The following TBC1D22A variants were observed in gnomAD, a reference collection of about 807,000 sequenced individuals.
The protein encoded by TBC1D22A is TBC1 domain family member 22A.
In TBC1D22A, 38 loss-of-function variants were observed where a neutral mutation model predicts 60.2. That is an observed-to-expected ratio of 0.63 (90% confidence interval 0.49 to 0.83). TBC1D22A has a LOEUF of 0.83. Among genes scored for constraint, TBC1D22A ranks in the 40% least tolerant of loss-of-function variants. The pLI, the probability that TBC1D22A is intolerant of heterozygous loss-of-function variation, is 0.00. For missense variants in TBC1D22A, 628 were observed against 701.0 expected (o/e 0.90, Z 1.18); for synonymous variants, 302 against 281.7 (o/e 1.07, Z -0.72).
rs749477401 is a variant in TBC1D22A, at chr22:46,847,950, TGTGTGCGC to T, written c.638-30701_638-30694del. Among the ~76,000 whole-genome samples, 980 of 107,488 alleles carry T rather than the reference TGTGTGCGC, an allele frequency of 9.1e-3. 6 individuals are homozygous for T. The highest frequency in any genetic ancestry group is 0.03 in the African/African-American group (701 of 23,102). The allele number at this position is 107,488 out of a possible 152,430, so 70.5% of individuals were successfully genotyped here. A position where few individuals can be genotyped will look rare whatever the true frequency, so the allele number is the denominator to read the frequency against. The stretch of plus-strand genomic sequence containing the variant: ...GTGTGTGTGTGTGTGTGTGTGTGTG[TGTGTGCGC>T]GCGCGCACGCGCTCTACACAGTAAA... On this transcript the variant is annotated intron_variant, in intron 4 of 12. Coordinates refer to ENST00000337137, the MANE Select transcript of TBC1D22A (RefSeq NM_014346.5).
intron 8 of TBC1D22A, among the ~76,000 whole-genome samples, chr22:46,943,020 G>T (rs1040443998): frequency 4.6e-5 from 7 of 152,160 alleles, no homozygotes; most frequent in African/African-American, 1.7e-4. Flanking sequence ...GGACCAAACG[G>T]GAAATGAGCT....
chr22:46,795,037 A>C (rs1182271353), intron 3 of TBC1D22A, among the ~76,000 whole-genome samples: 4 of 152,252 alleles, frequency 2.6e-5, no homozygotes, highest in Non-Finnish European at 5.9e-5. Context: ...AAAATGTTAC[A>C]GCTCTCATTA....
Position 47,061,932 on chromosome 22 carries a change from A to G in TBC1D22A, c.1329+24734A>G, listed in dbSNP as rs2063590608. Among the ~76,000 whole-genome samples, 3 of 152,050 alleles carry G rather than the reference A, an allele frequency of 2.0e-5. No homozygotes were observed. The South Asian group carries it at 6.3e-4, about 32-fold the overall frequency. On this transcript the variant is annotated intron_variant, in intron 11 of 12. Transcript: ENST00000337137. ...GCAAAACCCCGTTTCTACTAAAAAT[A>G]CAAACGTTAGCCAGGCGTGGTGGTG... is the stretch of plus-strand genomic sequence containing the variant.
At chr22:46,955,492 C>G (rs1245136099) in intron 8 of TBC1D22A, among the ~76,000 whole-genome samples, 1 of 152,206 alleles carries the variant, frequency 6.6e-6, no homozygotes, top group African/African-American at 2.4e-5. Context: ...ATGCTACTCA[C>G]CTTGACACGT....
chr22:46,958,857 G>C (rs1341124385), intron 8 of TBC1D22A, among the ~76,000 whole-genome samples: 2 of 152,168 alleles, frequency 1.3e-5, no homozygotes, highest in Non-Finnish European at 2.9e-5. Flanking sequence ...CTAGGCCTGC[G>C]GTTCCTGAAA....
chr22:46,805,026 C>G (rs1169242205), intron 4 of TBC1D22A, among the ~76,000 whole-genome samples: 1 of 152,160 alleles, frequency 6.6e-6, no homozygotes, highest in South Asian at 2.1e-4. Context: ...TCCCCAGGGA[C>G]TCATTGCTCC....
chr22:47,150,020 AC>A (rs1239688279), intron 12 of TBC1D22A, among the ~76,000 whole-genome samples: 1 of 152,038 alleles, frequency 6.6e-6, no homozygotes, highest in African/African-American at 2.4e-5. Context: ...GGGCCTGTGC[AC>A]CAGGAGCAGA....
intron 12 of TBC1D22A, among the ~76,000 whole-genome samples, chr22:47,167,717 G>A (rs2068262667): frequency 1.3e-5 from 2 of 152,208 alleles, no homozygotes; most frequent in African/African-American, 2.4e-5. Flanking sequence ...GAATGGGGGA[G>A]TGCATGCTGA....
intron 4 of TBC1D22A, among the ~76,000 whole-genome samples, chr22:46,829,560 C>T (rs78434565): frequency 0.013 from 2,003 of 152,338 alleles, 49 homozygotes; most frequent in African/African-American, 0.046. Context: ...GTTAATACTG[C>T]ATCTGGGAAG....
chr22:47,160,915 C>A (rs2067955161), intron 12 of TBC1D22A, among the ~76,000 whole-genome samples: 1 of 151,568 alleles, frequency 6.6e-6, no homozygotes, highest in Non-Finnish European at 1.5e-5. Flanking sequence ...AACCTCCTAG[C>A]CAGTCTTCCA....
intron 4 of TBC1D22A, among the ~76,000 whole-genome samples, chr22:46,864,808 C>A (rs1345181376): frequency 6.6e-6 from 1 of 152,142 alleles, no homozygotes; most frequent in African/African-American, 2.4e-5. Flanking sequence ...TGGATTGATT[C>A]CCACCTCTGT....
chr22:46,861,282 C>G (rs993523128), intron 4 of TBC1D22A, among the ~76,000 whole-genome samples: 10 of 152,088 alleles, frequency 6.6e-5, no homozygotes, highest in Admixed American at 2.6e-4. Context: ...AATGACTTAA[C>G]AGTTAATTGT....
chr22:46,900,541 T>A (rs761897778), intron 7 of TBC1D22A, among the ~76,000 whole-genome samples: 5 of 152,196 alleles, frequency 3.3e-5, no homozygotes, highest in Non-Finnish European at 5.9e-5. Context: ...TCCCTTTGTG[T>A]CAGTCTCCTC....
rs910260406 is a variant in TBC1D22A at position 47,097,381 on chromosome 22, C to T, written c.1330-14127C>T. 3.4e-4 allele frequency among the ~76,000 whole-genome samples: 51 copies of T among 152,196 alleles called. 1 individual carries two copies. The highest frequency in any genetic ancestry group is 3.9e-4 in the East Asian group (2 of 5,170). On this transcript the variant is annotated intron_variant, in intron 11 of 12. Transcript: ENST00000337137. ...CTGTAATCCCAGCATTTTGGGAGGC[C>T]GAGGCAGGTGGATCACGAGGTCAGG...
At position 46,797,628 on chromosome 22, in the gene TBC1D22A, C is replaced by T; in HGVS notation, c.637+8C>T. 1.3e-6 allele frequency: 2 copies of T among 1,595,692 alleles called. No individual in the cohort carries two copies. The highest frequency in any genetic ancestry group is 2.3e-5 in the East Asian group (1 of 44,116). On this transcript the variant is annotated splice_region_variant and intron_variant, in intron 4 of 12. Coordinates refer to ENST00000337137, the MANE Select transcript of TBC1D22A (RefSeq NM_014346.5). ...GCCCCAACACGGACCTTGGTAAGCA[C>T]CCTGCCCTCTGGAGGACACACACAG...
At chr22:46,991,859 G>A (rs1382277633) in intron 9 of TBC1D22A, among the ~76,000 whole-genome samples, 1 of 152,192 alleles carries the variant, frequency 6.6e-6, no homozygotes, top group African/African-American at 2.4e-5. Context: ...TTTCTGGGAT[G>A]TGACATGCTC....
chr22:47,081,505 G>A (rs1193359499), intron 11 of TBC1D22A, among the ~76,000 whole-genome samples: 1 of 152,120 alleles, frequency 6.6e-6, no homozygotes, highest in Non-Finnish European at 1.5e-5. Context: ...CTCCAGTCAC[G>A]AAAGTGAAAT....
chr22:46,767,241 C>T (rs1235555919), intron 1 of TBC1D22A, among the ~76,000 whole-genome samples: 3 of 152,148 alleles, frequency 2.0e-5, no homozygotes, highest in Non-Finnish European at 2.9e-5. Flanking sequence ...GTTGGTGGTC[C>T]AGATTTTAAC....
intron 9 of TBC1D22A, among the ~76,000 whole-genome samples, chr22:46,981,145 CAA>C (rs1272766755): frequency 1.3e-5 from 2 of 152,186 alleles, no homozygotes; most frequent in Non-Finnish European, 2.9e-5. Context: ...TTCCTAGAGA[CAA>C]AGAGTATCAC....
Sources: gnomAD v4.1 joint callset for allele counts (sites outside exome capture counted in the v4.1 genomes callset) on GRCh38, gnomAD v4.1.1 for gene constraint, MANE v1.5 for transcripts, NCBI Gene and HGNC (gene_info 2026-07-23, HGNC 2026-07-21) for gene names.